Variants in TMPRSS2 observed in about 807,000 individuals in gnomAD.
The protein encoded by TMPRSS2 is transmembrane protease serine 2.
TMPRSS2 carries 59 observed loss-of-function variants against 67.4 expected under a neutral mutation model. That is an observed-to-expected ratio of 0.88 (90% CI 0.71 to 1.09). The LOEUF (loss-of-function observed/expected upper bound fraction) is 1.09, where lower values mean the gene tolerates loss of function less well. Among genes scored for constraint, TMPRSS2 ranks in the 50% least tolerant of loss-of-function variants. The pLI, the probability that TMPRSS2 is intolerant of heterozygous loss-of-function variation, is 0.00. For synonymous variants in TMPRSS2, 257 were observed against 257.0 expected (o/e 1.00, Z 0.00); for missense variants, 668 against 642.7 (o/e 1.04, Z -0.43).
chr21:41,480,696 T>A, intron 5 of TMPRSS2, 94 bp from the exon 6 acceptor site: 2 of 1,517,420 alleles, frequency 1.3e-6, no homozygotes, highest in Non-Finnish European at 8.9e-7. Context: ...TGAAGTGCAG[T>A]GGTCTGATCT....
chr21:41,476,704 C>T (rs1010193512), intron 7 of TMPRSS2, 84 bp from the exon 8 acceptor site: 16 of 1,193,850 alleles, frequency 1.3e-5, no homozygotes, highest in South Asian at 3.7e-5. Flanking sequence ...TCATTTCTTC[C>T]GATGTTCCCT....
At chr21:41,491,521 G>C (rs535348902) in intron 3 of TMPRSS2, among the ~76,000 whole-genome samples, 1 of 152,200 alleles carries the variant, frequency 6.6e-6, no homozygotes, top group Non-Finnish European at 1.5e-5. Flanking sequence ...GGCACACGAT[G>C]TTCTCATAAC....
chr21:41,485,114 G>T lies in TMPRSS2; in HGVS notation c.445+3280C>A, dbSNP rs541782164. Among the ~76,000 whole-genome samples, 4 of 150,300 alleles carry T rather than the reference G, an allele frequency of 2.7e-5. No homozygotes were observed. In the South Asian group the frequency reaches 8.5e-4, roughly 32 times the overall value. On this transcript the variant is annotated intron_variant, in intron 5 of 13. Coordinates refer to ENST00000332149, the MANE Select transcript of TMPRSS2 (RefSeq NM_005656.4). ...TGTGTGTGTGTGTGTGTGTGTGTGTGTGTCTGGGGTGTATGGGGGGATGCG... is the reference window on the plus strand; with the variant it reads ...TGTGTGTGTGTGTGTGTGTGTGTGTTTGTCTGGGGTGTATGGGGGGATGCG...
intron 9 of TMPRSS2, among the ~76,000 whole-genome samples, chr21:41,472,636 T>C (rs1189510606): frequency 6.6e-6 from 1 of 152,130 alleles, no homozygotes; most frequent in Non-Finnish European, 1.5e-5. Context: ...GGCATGCCCA[T>C]CTTATAGTTG....
At chr21:41,485,021 A>C (rs560619904) in intron 5 of TMPRSS2, among the ~76,000 whole-genome samples, 2 of 151,814 alleles carry the variant, frequency 1.3e-5, no homozygotes, top group African/African-American at 4.8e-5. Context: ...AGCAACTCAG[A>C]TGAGTTGCCC....
chr21:41,489,265 C>G (rs1475536040), intron 4 of TMPRSS2, among the ~76,000 whole-genome samples: 1 of 152,234 alleles, frequency 6.6e-6, no homozygotes, highest in Non-Finnish European at 1.5e-5. Context: ...GTAGAAGAAC[C>G]TGTGCTCACA....
intron 11 of TMPRSS2, 148 bp downstream of exon 11, chr21:41,470,500 G>T: frequency 1.5e-6 from 1 of 686,316 alleles, no homozygotes; most frequent in Non-Finnish European, 2.5e-6. Flanking sequence ...AGCAGATGGA[G>T]AAACTGAGGC....
rs148038688 is a variant in TMPRSS2 at position 41,466,784 on chromosome 21, C to T, written c.1468-631G>A. On this transcript the variant is annotated intron_variant, in intron 13 of 13. Transcript: ENST00000332149. ...GGGAGAAGACAGAATAGACTGCTTT[C>T]TTCCACTAGTAGCCCAGCCCCAGAA... is the stretch of plus-strand genomic sequence containing the variant. 4.5e-3 allele frequency among the ~76,000 whole-genome samples: 690 copies of T among 152,356 alleles called. 6 individuals are homozygous for T. The highest frequency in any genetic ancestry group is 0.016 in the African/African-American group (652 of 41,588).
rs1036995572 is a variant in TMPRSS2 at position 41,478,704 on chromosome 21, C to T, written c.683+468G>A. Among the ~76,000 whole-genome samples the T allele has an allele frequency of 3.9e-5, 6 of 152,116 alleles. No homozygotes were observed. The highest frequency in any genetic ancestry group is 1.4e-4 in the African/African-American group (6 of 41,428). On this transcript the variant is annotated intron_variant, in intron 7 of 13. Transcript: ENST00000332149. This position sits in a 1 kb window ranked among gnomAD's most constrained non-coding sequence, Gnocchi z 4.0. Reference sequence around the variant, plus strand: ...ACTGCTGTCCCGGGGTTGGGGCTAACGGGACCAGCCAGCCCAGCTGCCTGG... The same window carrying T: ...ACTGCTGTCCCGGGGTTGGGGCTAATGGGACCAGCCAGCCCAGCTGCCTGG...
intron 1 of TMPRSS2, among the ~76,000 whole-genome samples, chr21:41,503,486 T>C (rs959535169): frequency 2.0e-5 from 3 of 152,174 alleles, no homozygotes; most frequent in African/African-American, 4.8e-5. Context: ...AATAATAACA[T>C]AATGATGGCA....
chr21:41,471,627 C>T (rs950017804), intron 10 of TMPRSS2, among the ~76,000 whole-genome samples, 179 bp downstream of exon 10: 2 of 152,178 alleles, frequency 1.3e-5, no homozygotes, highest in African/African-American at 4.8e-5. Flanking sequence ...CTGCTGCCTC[C>T]CCCAAAATGC....
chr21:41,481,179 C>T (rs1424038999), intron 5 of TMPRSS2, among the ~76,000 whole-genome samples: 1 of 152,216 alleles, frequency 6.6e-6, no homozygotes, highest in East Asian at 1.9e-4. Context: ...GAAAACACTC[C>T]AAACGCCCAC....
rs1246902146 is a variant in TMPRSS2 at position 41,480,475 on chromosome 21, C to G, written c.572+1G>C. 7 of 1,613,380 alleles carry G rather than the reference C, an allele frequency of 4.3e-6. No individual in the cohort carries two copies. Among genetic ancestry groups the G allele is most frequent in the Non-Finnish European group, 5.9e-6 (7 of 1,180,010 alleles). On this transcript the variant is annotated splice_donor_variant, in intron 6 of 13. Coordinates refer to ENST00000332149, the MANE Select transcript of TMPRSS2 (RefSeq NM_005656.4). LOFTEE classifies it high-confidence loss of function. ...CTCGGCGGGTGCTGCCCCATACTCACTTATAGCCCATGTCCCTGCAGGCCG... is the reference window on the plus strand; with the variant it reads ...CTCGGCGGGTGCTGCCCCATACTCAGTTATAGCCCATGTCCCTGCAGGCCG...
chr21:41,468,903 C>T (rs955832912), intron 11 of TMPRSS2: 2 of 219,144 alleles, frequency 9.1e-6, no homozygotes, highest in Non-Finnish European at 1.9e-5. Flanking sequence ...ACACAGGCGC[C>T]TGTTTCCCCT....
intron 3 of TMPRSS2, among the ~76,000 whole-genome samples, chr21:41,493,183 C>A (rs919918139): frequency 6.6e-6 from 1 of 152,172 alleles, no homozygotes; most frequent in African/African-American, 2.4e-5. Context: ...ACCTACCCAA[C>A]CACCCCCAGA....
chr21:41,476,073 C>A (rs1238063083), intron 8 of TMPRSS2, among the ~76,000 whole-genome samples: 1 of 152,102 alleles, frequency 6.6e-6, no homozygotes, highest in Admixed American at 6.5e-5. Flanking sequence ...GATGGGGACA[C>A]CCAAGTCTAA....
chr21:41,505,452 T>A (rs2091451386), intron 1 of TMPRSS2, among the ~76,000 whole-genome samples: 2 of 152,186 alleles, frequency 1.3e-5, no homozygotes, highest in African/African-American at 4.8e-5. Flanking sequence ...TGGTGGTGGT[T>A]ACTGGCATAA....
At chr21:41,484,474 C>A (rs1339807943) in intron 5 of TMPRSS2, among the ~76,000 whole-genome samples, 1 of 152,162 alleles carries the variant, frequency 6.6e-6, no homozygotes, top group African/African-American at 2.4e-5. Context: ...TGGGACGGGT[C>A]ATATTCTTCA....
intron 5 of TMPRSS2, chr21:41,486,978 G>C (rs1345000245): frequency 6.6e-6 from 1 of 152,160 alleles, no homozygotes; most frequent in African/African-American, 2.4e-5. Flanking sequence ...AAACAGTATG[G>C]AGTTTCCTCA....
Sources: gnomAD v4.1 joint callset for allele counts (sites outside exome capture counted in the v4.1 genomes callset) on GRCh38, gnomAD v4.1.1 for gene constraint, Gnocchi (gnomAD v3.1) non-coding constraint, MANE v1.5 for transcripts, NCBI Gene and HGNC (gene_info 2026-07-23, HGNC 2026-07-21) for gene names.